Variants in GPC6 observed in about 807,000 individuals in gnomAD.
GPC6 encodes the protein glypican 6.
GPC6 carries 14 observed loss-of-function variants against 55.2 expected under a neutral mutation model. The observed-to-expected ratio is 0.25, with a 90% CI of 0.17 to 0.40. The LOEUF (loss-of-function observed/expected upper bound fraction) is 0.40, where lower values mean the gene tolerates loss of function less well. Ranked by LOEUF, GPC6 falls within the 10% of genes least tolerant of loss-of-function variation. The pLI is 1.00. For missense variants in GPC6, 641 were observed against 708.5 expected (o/e 0.90, Z 1.08); for synonymous variants, 278 against 259.6 (o/e 1.07, Z -0.68).
intron 4 of GPC6, among the ~76,000 whole-genome samples, chr13:94,256,255 G>A (rs1220716142): frequency 6.6e-6 from 1 of 152,148 alleles, no homozygotes; most frequent in African/African-American, 2.4e-5. Context: ...TCCTGTAACA[G>A]GGCAGGGGAG....
chr13:94,265,925 A>G lies in GPC6; in HGVS notation c.878-20424A>G, dbSNP rs538221088. Among the ~76,000 whole-genome samples the G allele has an allele frequency of 5.3e-5, 8 of 152,328 alleles. No homozygotes were observed. In the South Asian group the frequency reaches 1.4e-3, roughly 28 times the overall value. On this transcript the variant is annotated intron_variant, in intron 4 of 8. Coordinates refer to ENST00000377047, the MANE Select transcript of GPC6 (RefSeq NM_005708.5). Reference sequence around the variant, plus strand: ...GAAAAACATATCAGCAGAATTGGAAAGAAAGTTTCTAGGCAATAGTCACTC... The same window carrying G: ...GAAAAACATATCAGCAGAATTGGAAGGAAAGTTTCTAGGCAATAGTCACTC...
intron 1 of GPC6, among the ~76,000 whole-genome samples, chr13:93,444,460 A>G (rs1877923323): frequency 6.6e-6 from 1 of 152,088 alleles, no homozygotes; most frequent in Non-Finnish European, 1.5e-5. Flanking sequence ...TACAAAAATT[A>G]GCCGGGTGTG....
intron 4 of GPC6, among the ~76,000 whole-genome samples, chr13:94,092,060 T>G (rs994545807): frequency 6.8e-6 from 1 of 147,440 alleles, no homozygotes; most frequent in Non-Finnish European, 1.5e-5. Context: ...GTGAAATGAT[T>G]TTCATGATTA....
intron 4 of GPC6, among the ~76,000 whole-genome samples, chr13:94,047,303 G>A (rs1883767373): frequency 6.6e-6 from 1 of 152,024 alleles, no homozygotes; most frequent in Non-Finnish European, 1.5e-5. Flanking sequence ...TCTGAGACGG[G>A]ATGAGTGGGA....
chr13:94,230,896 G>A (rs1360358713), intron 4 of GPC6, among the ~76,000 whole-genome samples: 1 of 152,108 alleles, frequency 6.6e-6, no homozygotes, highest in East Asian at 1.9e-4. Flanking sequence ...AAGACAATGA[G>A]GAAGGTGTTA....
intron 4 of GPC6, among the ~76,000 whole-genome samples, chr13:94,148,828 T>G (rs1887644098): frequency 6.6e-6 from 1 of 152,170 alleles, no homozygotes; most frequent in Non-Finnish European, 1.5e-5. Flanking sequence ...CTTTGTGAAC[T>G]TTGGGTAGGG....
chr13:93,666,852 G>C (rs1881159037), intron 2 of GPC6, among the ~76,000 whole-genome samples: 1 of 152,156 alleles, frequency 6.6e-6, no homozygotes, highest in Non-Finnish European at 1.5e-5. Context: ...GGTTTATGCT[G>C]TCTGCTGACC....
chr13:93,655,643 G>A (rs899951183), intron 2 of GPC6, among the ~76,000 whole-genome samples: 1 of 152,098 alleles, frequency 6.6e-6, no homozygotes, highest in Non-Finnish European at 1.5e-5. Context: ...AAATCTATGT[G>A]TATACTAACA....
intron 1 of GPC6, among the ~76,000 whole-genome samples, chr13:93,484,893 T>G (rs1183093918): frequency 6.6e-6 from 1 of 152,198 alleles, no homozygotes; most frequent in Non-Finnish European, 1.5e-5. Context: ...TGCATTACTT[T>G]CAAAGATCTA....
intron 5 of GPC6, among the ~76,000 whole-genome samples, chr13:94,290,294 G>A (rs1212285211): frequency 6.6e-6 from 1 of 151,860 alleles, no homozygotes; most frequent in Non-Finnish European, 1.5e-5. Flanking sequence ...GGTGGTATGA[G>A]CCTGTAGTCC....
At chr13:93,943,958 A>C (rs749624540) in intron 3 of GPC6, among the ~76,000 whole-genome samples, 1 of 152,130 alleles carries the variant, frequency 6.6e-6, no homozygotes, top group African/African-American at 2.4e-5. Context: ...AAATGACAGA[A>C]TCAGTTACAG....
At chr13:93,636,945 C>G (rs1237720630) in intron 2 of GPC6, among the ~76,000 whole-genome samples, 2 of 147,554 alleles carry the variant, frequency 1.4e-5, no homozygotes, top group Middle Eastern at 3.5e-3. Flanking sequence ...TTTTTTTTCT[C>G]TCTCCTCTTA....
At chr13:93,544,430 A>C (rs1874647241) in intron 1 of GPC6, among the ~76,000 whole-genome samples, 1 of 152,184 alleles carries the variant, frequency 6.6e-6, no homozygotes, top group Non-Finnish European at 1.5e-5. Flanking sequence ...ATTTAGCAAG[A>C]CATTGGGTGG....
At chr13:93,368,762 C>G (rs183675566) in intron 1 of GPC6, among the ~76,000 whole-genome samples, 179 of 152,120 alleles carry the variant, frequency 1.2e-3, no homozygotes, top group African/African-American at 4.1e-3. Context: ...AGCAAAGCAT[C>G]CAAAACAGCC....
chr13:93,309,535 T>C (rs182597346), intron 1 of GPC6, among the ~76,000 whole-genome samples: 129 of 152,286 alleles, frequency 8.5e-4, no homozygotes, highest in Non-Finnish European at 1.7e-3. Flanking sequence ...TTTAATAGCA[T>C]GACATGTTTT....
intron 4 of GPC6, among the ~76,000 whole-genome samples, chr13:94,235,644 G>A (rs1223664206): frequency 6.6e-6 from 1 of 152,078 alleles, no homozygotes; most frequent in Non-Finnish European, 1.5e-5. Flanking sequence ...GGGACACCAA[G>A]ACTCAAAAAC....
chr13:93,881,868 T>G (rs1874998553), intron 3 of GPC6, among the ~76,000 whole-genome samples: 1 of 152,068 alleles, frequency 6.6e-6, no homozygotes, highest in South Asian at 2.1e-4. Context: ...CTGCCATTTA[T>G]TCTCTTATTT....
intron 2 of GPC6, among the ~76,000 whole-genome samples, chr13:93,636,389 T>C (rs1879696881): frequency 6.6e-6 from 1 of 152,156 alleles, no homozygotes; most frequent in Admixed American, 6.6e-5. Context: ...AGTTGTGGAA[T>C]TTGCAAGAAA....
chr13:94,035,188 T>C (rs1428255301), intron 4 of GPC6, among the ~76,000 whole-genome samples: 1 of 152,118 alleles, frequency 6.6e-6, no homozygotes, highest in Non-Finnish European at 1.5e-5. Flanking sequence ...AATTGACATT[T>C]GACTTTAATA....
Sources: gnomAD v4.1 joint callset for allele counts (sites outside exome capture counted in the v4.1 genomes callset) on GRCh38, gnomAD v4.1.1 for gene constraint, MANE v1.5 for transcripts, NCBI Gene and HGNC (gene_info 2026-07-23, HGNC 2026-07-21) for gene names.